The following TENM2 variants were observed in gnomAD, a reference collection of about 807,000 sequenced individuals.
TENM2 encodes the protein teneurin transmembrane protein 2, also known as teneurin-2.
TENM2 carries 52 observed loss-of-function variants against 245.2 expected under a neutral mutation model. The observed-to-expected ratio is 0.21, with a 90% CI of 0.17 to 0.27. TENM2 has a LOEUF of 0.27. Ranked by LOEUF, TENM2 falls within the 10% of genes least tolerant of loss-of-function variation. The pLI is 1.00. For synonymous variants in TENM2, 1,363 were observed against 1,438.9 expected (o/e 0.95, Z 1.19); for missense variants, 3,046 against 3,666.8 (o/e 0.83, Z 4.37).
chr5:168,129,600 C>G (rs756211117), intron 12 of TENM2: 5 of 152,144 alleles, frequency 3.3e-5, no homozygotes, highest in Non-Finnish European at 5.9e-5. Flanking sequence ...AAAAACAAAG[C>G]CAAGCATACC....
intron 2 of TENM2, among the ~76,000 whole-genome samples, chr5:167,776,709 A>G (rs1763831027): frequency 1.4e-5 from 2 of 145,866 alleles, no homozygotes; most frequent in African/African-American, 5.1e-5. Flanking sequence ...GGCAGGGCCA[A>G]CCTTTCTCTT....
chr5:168,149,217 G>C (rs1397507287), intron 12 of TENM2, among the ~76,000 whole-genome samples: 1 of 152,088 alleles, frequency 6.6e-6, no homozygotes, highest in Non-Finnish European at 1.5e-5. Flanking sequence ...TGACTCAATG[G>C]TTCTCTCCGC....
chr5:167,776,485 A>T (rs1763783108), intron 2 of TENM2, among the ~76,000 whole-genome samples: 1 of 148,822 alleles, frequency 6.7e-6, no homozygotes, highest in South Asian at 2.2e-4. Context: ...AGTCCCAGCT[A>T]CTTGGGGTCT....
At chr5:167,554,862 G>GCTCCTC (rs561609926) in intron 2 of TENM2, among the ~76,000 whole-genome samples, 4 of 151,380 alleles carry the variant, frequency 2.6e-5, no homozygotes, top group African/African-American at 7.3e-5. Flanking sequence ...CTCTCTCTCT[G>GCTCCTC]CTCCTCCTCC....
At chr5:167,490,924 C>T (rs1403002209) in intron 2 of TENM2, among the ~76,000 whole-genome samples, 1 of 152,096 alleles carries the variant, frequency 6.6e-6, no homozygotes, top group Non-Finnish European at 1.5e-5. Flanking sequence ...GACAACTCTA[C>T]GTTTCTCAGC....
chr5:167,498,138 A>C (rs2127552455), intron 2 of TENM2, among the ~76,000 whole-genome samples: 1 of 152,192 alleles, frequency 6.6e-6, no homozygotes, highest in Non-Finnish European at 1.5e-5. Context: ...CCTAATGAGC[A>C]GCATGCTTTT....
At chr5:167,013,403 A>G in the TENM2 span, among the ~76,000 whole-genome samples, 1 of 152,224 alleles carries the variant, frequency 6.6e-6, no homozygotes, top group Non-Finnish European at 1.5e-5. Flanking sequence ...AGTAGCCTGG[A>G]TACATGGCTT....
chr5:168,080,952 TG>T (rs1791942760), intron 7 of TENM2, among the ~76,000 whole-genome samples: 1 of 152,204 alleles, frequency 6.6e-6, no homozygotes, highest in Admixed American at 6.5e-5. Context: ...TAGGTCTACT[TG>T]GTGCAGAGCT....
intron 14 of TENM2, among the ~76,000 whole-genome samples, chr5:168,193,018 A>T (rs1263100187): frequency 6.6e-6 from 1 of 152,214 alleles, no homozygotes; most frequent in Non-Finnish European, 1.5e-5. Flanking sequence ...ACCTTGAGCT[A>T]GAGCCAAAAT....
intron 3 of TENM2, among the ~76,000 whole-genome samples, chr5:167,949,320 A>G (rs1356520434): frequency 6.6e-6 from 1 of 152,202 alleles, no homozygotes; most frequent in Non-Finnish European, 1.5e-5. Flanking sequence ...GAAGTCAGAA[A>G]TCTGGAACAC....
chr5:168,260,150 T>A, intron 27 of TENM2, 133 bp from the exon 30 acceptor site: 1 of 888,272 alleles, frequency 1.1e-6, no homozygotes, highest in South Asian at 1.6e-5. Flanking sequence ...CAGGAGACAG[T>A]CATAAGCTCT....
chr5:167,101,843 A>ATATATTTATATATATATATT, the TENM2 span, among the ~76,000 whole-genome samples: 1 of 100,244 alleles, frequency 1.0e-5, no homozygotes, highest in African/African-American at 4.8e-5. Flanking sequence ...ATTTATATAT[A>ATATATTTATATATATATATT]TATATTTATA....
rs760480266 is a variant in TENM2 at position 167,993,215 on chromosome 5, G to A, written c.1186+33G>A. 1.9e-6 allele frequency: 3 copies of A among 1,559,976 alleles called. No homozygotes were observed. The Admixed American group carries it at 5.0e-5, about 26-fold the overall frequency. On this transcript the variant is annotated intron_variant, in intron 5 of 28. Transcript: ENST00000518659. The stretch of plus-strand genomic sequence containing the variant: ...AGGGCAGCCTTATTCAGCAACGCTG[G>A]GGATGACAACATGAGGGGAGAGGCC...
chr5:168,246,712 C>T (rs989380133), intron 26 of TENM2, 45 bp from the exon 29 acceptor site: 11 of 1,573,604 alleles, frequency 7.0e-6, no homozygotes, highest in African/African-American at 4.1e-5. Flanking sequence ...ATGCTTGGTC[C>T]TCAAAAGCCA....
chr5:167,801,109 A>AAAATATAT (rs1444227809), intron 2 of TENM2, among the ~76,000 whole-genome samples: 10 of 66,556 alleles, frequency 1.5e-4, no homozygotes, highest in Non-Finnish European at 2.1e-4. Context: ...AAAAAAAAAA[A>AAAATATAT]ATATATATAT....
exon 3 of TENM2, chr5:167,876,102 C>T (rs1386872530): frequency 2.6e-6 from 4 of 1,551,562 alleles, no homozygotes; most frequent in Non-Finnish European, 3.5e-6. Flanking sequence ...CAACACCTCC[C>T]ATCAAATCAT....
intron 2 of TENM2, among the ~76,000 whole-genome samples, chr5:167,445,369 A>AGAGAGAGAGAGAGAGAGAGTGAGT (rs35699708): frequency 3.1e-4 from 31 of 98,554 alleles, no homozygotes; most frequent in African/African-American, 1.4e-3. Flanking sequence ...AGAGAGAGAG[A>AGAGAGAGAGAGAGAGAGAGTGAGT]GTGTCAGGTG....
At chr5:168,042,035 C>A (rs1289325954) in intron 5 of TENM2, among the ~76,000 whole-genome samples, 1 of 152,156 alleles carries the variant, frequency 6.6e-6, no homozygotes, top group African/African-American at 2.4e-5. Context: ...TGGTATATTT[C>A]CCCCAGGAGC....
chr5:167,390,850 A>G (rs959064580), intron 2 of TENM2, among the ~76,000 whole-genome samples: 2 of 152,194 alleles, frequency 1.3e-5, no homozygotes, highest in African/African-American at 4.8e-5. Context: ...GAAAGCAGGA[A>G]GTATACAAAT....
Sources: allele counts gnomAD v4.1 joint callset (sites outside exome capture counted in the v4.1 genomes callset), GRCh38; gene constraint gnomAD v4.1.1; transcripts MANE v1.5; gene names NCBI Gene and HGNC (gene_info 2026-07-23, HGNC 2026-07-21).